The following GALNT2 variants were observed in gnomAD, a reference collection of about 807,000 sequenced individuals.
GALNT2 encodes UDP-GalNAc:polypeptide N-acetylgalactosaminyltransferase 2.
A neutral mutation model predicts 81.4 loss-of-function variants in GALNT2; 31 were observed. The observed-to-expected ratio is 0.38, with a 90% confidence interval of 0.29 to 0.51. The LOEUF is 0.51. GALNT2 is among the 20% of genes least tolerant of loss of function. The probability of loss-of-function intolerance (pLI) is 0.87; values close to 1 mark genes in which losing one functional copy is unlikely to be tolerated. For missense variants in GALNT2, 629 were observed against 765.7 expected (o/e 0.82, Z 2.11); for synonymous variants, 303 against 287.4 (o/e 1.05, Z -0.55).
rs1393156196 is a variant in GALNT2 at position 230,088,847 on chromosome 1, A to C, written c.126+21441A>C. Reference sequence around the variant, plus strand: ...CCACCGCGCCCGGCCACTTCTGTCTAGTTTTAAAACATTTTCATCCAAATG... The same window carrying C: ...CCACCGCGCCCGGCCACTTCTGTCTCGTTTTAAAACATTTTCATCCAAATG... On this transcript the variant is annotated intron_variant, in intron 1 of 15. Coordinates refer to ENST00000366672, the MANE Select transcript of GALNT2 (RefSeq NM_004481.5). 2.0e-5 allele frequency among the ~76,000 whole-genome samples: 3 copies of C among 152,104 alleles called. No homozygotes were observed. The East Asian group carries it at 5.8e-4, about 30-fold the overall frequency.
At chr1:230,096,448 G>A (rs1338535392) in intron 1 of GALNT2, among the ~76,000 whole-genome samples, 1 of 152,160 alleles carries the variant, frequency 6.6e-6, no homozygotes, top group Non-Finnish European at 1.5e-5. Flanking sequence ...AGAGGTGTCT[G>A]CGTCTCCCTC....
chr1:230,109,845 A>G (rs1307263913), intron 1 of GALNT2, among the ~76,000 whole-genome samples: 1 of 151,972 alleles, frequency 6.6e-6, no homozygotes, highest in African/African-American at 2.4e-5. Flanking sequence ...AAAAAAAAAA[A>G]GAAGGAACAC....
chr1:230,207,071 C>T (rs1478659405), intron 3 of GALNT2, among the ~76,000 whole-genome samples: 3 of 151,794 alleles, frequency 2.0e-5, no homozygotes, highest in Non-Finnish European at 4.4e-5. Context: ...TTTTTTCTTC[C>T]GAATAGTGAG....
At chr1:230,146,115 T>G (rs1264251224) in intron 1 of GALNT2, among the ~76,000 whole-genome samples, 1 of 152,254 alleles carries the variant, frequency 6.6e-6, no homozygotes, top group Non-Finnish European at 1.5e-5. Flanking sequence ...GCACTTTTCC[T>G]TCTTCCTCCT....
chr1:230,178,545 A>G (rs2748115), intron 2 of GALNT2, among the ~76,000 whole-genome samples: 35,109 of 152,132 alleles, frequency 0.23, 4,917 homozygotes, highest in African/African-American at 0.39. Context: ...AAAATAGACT[A>G]AAGTAGAAAG....
chr1:230,227,191 A>C (rs1408824807), intron 3 of GALNT2, among the ~76,000 whole-genome samples: 1 of 152,116 alleles, frequency 6.6e-6, no homozygotes, highest in Non-Finnish European at 1.5e-5. Flanking sequence ...GAATAAGTGC[A>C]AACCATCAAA....
At chr1:230,168,545 G>GCCCTCTT (rs1662686301) in intron 1 of GALNT2, among the ~76,000 whole-genome samples, 2 of 152,180 alleles carry the variant, frequency 1.3e-5, no homozygotes, top group Admixed American at 1.3e-4. Context: ...CGAAGAGGGA[G>GCCCTCTT]GCAAGAGGGC....
chr1:230,258,089 AT>A (rs1258223520), intron 11 of GALNT2, among the ~76,000 whole-genome samples: 2 of 151,676 alleles, frequency 1.3e-5, no homozygotes, highest in Non-Finnish European at 2.9e-5. Flanking sequence ...TAATTTTTGT[AT>A]TTTTAGTAGA....
At chr1:230,230,329 A>C (rs1170608022) in intron 3 of GALNT2, among the ~76,000 whole-genome samples, 1 of 152,222 alleles carries the variant, frequency 6.6e-6, no homozygotes. Context: ...CAGTATGATA[A>C]TTTGTAAATA....
intron 2 of GALNT2, among the ~76,000 whole-genome samples, chr1:230,180,529 T>G (rs1208966696): frequency 2.0e-5 from 3 of 152,176 alleles, no homozygotes; most frequent in Non-Finnish European, 4.4e-5. Flanking sequence ...ATGTAAAGTC[T>G]TGAAGCCGAG....
chr1:230,175,546 C>A, intron 1 of GALNT2, among the ~76,000 whole-genome samples: 1 of 130,514 alleles, frequency 7.7e-6, no homozygotes, highest in Non-Finnish European at 1.6e-5. Flanking sequence ...TCATTGTCCT[C>A]CCCTCCCCCT....
intron 2 of GALNT2, among the ~76,000 whole-genome samples, chr1:230,181,920 G>C (rs1663172695): frequency 6.6e-6 from 1 of 152,194 alleles, no homozygotes; most frequent in Non-Finnish European, 1.5e-5. Context: ...TTCTTTAATA[G>C]ATATGACCAG....
chr1:230,093,389 A>G (rs536214948), intron 1 of GALNT2, among the ~76,000 whole-genome samples: 50 of 133,104 alleles, frequency 3.8e-4, no homozygotes, highest in Non-Finnish European at 7.6e-4. Context: ...CCTGAAGCAG[A>G]AGGAGGAGCA....
At chr1:230,276,039 A>G (rs1666297371) in intron 15 of GALNT2, among the ~76,000 whole-genome samples, 1 of 121,608 alleles carries the variant, frequency 8.2e-6, no homozygotes, top group Non-Finnish European at 1.7e-5. Context: ...ATATATACGT[A>G]TATACATGCC....
At chr1:230,101,731 T>C (rs1332342366) in intron 1 of GALNT2, among the ~76,000 whole-genome samples, 5 of 152,236 alleles carry the variant, frequency 3.3e-5, no homozygotes, top group African/African-American at 1.2e-4. Context: ...CAGATTACTG[T>C]TCCTGCTTTT....
chr1:230,149,207 T>C (rs2102833435), intron 1 of GALNT2, among the ~76,000 whole-genome samples: 1 of 152,314 alleles, frequency 6.6e-6, no homozygotes, highest in Non-Finnish European at 1.5e-5. Context: ...GATTGCTTGA[T>C]TTCAGAAGGT....
intron 1 of GALNT2, among the ~76,000 whole-genome samples, chr1:230,173,958 G>T (rs140221493): frequency 5.9e-5 from 9 of 152,004 alleles, no homozygotes; most frequent in Non-Finnish European, 1.0e-4. Flanking sequence ...GGCCACCAGC[G>T]CACTTGGTAC....
At chr1:230,105,409 C>A (rs1278745029) in intron 1 of GALNT2, among the ~76,000 whole-genome samples, 8 of 152,186 alleles carry the variant, frequency 5.3e-5, no homozygotes, top group Admixed American at 3.9e-4. Context: ...TTTCCCCCGC[C>A]TCTCATGTTT....
At chr1:230,202,791 T>C (rs1046599645) in intron 2 of GALNT2, among the ~76,000 whole-genome samples, 5 of 152,226 alleles carry the variant, frequency 3.3e-5, no homozygotes, top group African/African-American at 1.2e-4. Context: ...GTCAACATTA[T>C]AATCCCTGGA....
Sources: gnomAD v4.1 joint callset for allele counts (sites outside exome capture counted in the v4.1 genomes callset) on GRCh38, gnomAD v4.1.1 for gene constraint, MANE v1.5 for transcripts, NCBI Gene and HGNC (gene_info 2026-07-23, HGNC 2026-07-21) for gene names.